Variants in ATL1 observed in about 807,000 individuals in gnomAD.
The protein encoded by ATL1 is atlastin-1.
A neutral mutation model predicts 75.5 loss-of-function variants in ATL1; 31 were observed. The ratio of observed to expected loss-of-function variants is 0.41; its 90% CI spans 0.31 to 0.55. ATL1 has a LOEUF of 0.55. ATL1 is among the 20% of genes least tolerant of loss of function. The pLI, the probability that ATL1 is intolerant of heterozygous loss-of-function variation, is 0.27. For missense variants in ATL1, 405 were observed against 662.6 expected (o/e 0.61, Z 4.27); for synonymous variants, 226 against 233.3 (o/e 0.97, Z 0.28).
intron 7 of ATL1, among the ~76,000 whole-genome samples, chr14:50,614,022 A>G (rs973170709): frequency 6.6e-6 from 1 of 152,168 alleles, no homozygotes; most frequent in Non-Finnish European, 1.5e-5. Flanking sequence ...AAGTAGAAAT[A>G]TCCTACTTTC....
At chr14:50,612,069 G>A (rs1272617048) in intron 6 of ATL1, among the ~76,000 whole-genome samples, 1 of 152,130 alleles carries the variant, frequency 6.6e-6, no homozygotes, top group East Asian at 1.9e-4. Flanking sequence ...GCGCAGTAAT[G>A]ACTATGAATT....
At chr14:50,563,614 T>C (rs773422911) in intron 1 of ATL1, among the ~76,000 whole-genome samples, 5 of 152,190 alleles carry the variant, frequency 3.3e-5, no homozygotes, top group Non-Finnish European at 7.3e-5. Flanking sequence ...ATAAGGAATC[T>C]AAGGACCATA....
chr14:50,588,309 T>C (rs994146453), intron 2 of ATL1, among the ~76,000 whole-genome samples: 2 of 152,256 alleles, frequency 1.3e-5, no homozygotes, highest in Non-Finnish European at 2.9e-5. Flanking sequence ...ATATAACTTA[T>C]ATTTTTATTC....
intron 6 of ATL1, among the ~76,000 whole-genome samples, chr14:50,607,531 A>G (rs557670759): frequency 6.6e-5 from 10 of 152,156 alleles, no homozygotes; most frequent in South Asian, 6.2e-4. Flanking sequence ...TTTTAAAGCA[A>G]TGAGGCTCTC....
intron 6 of ATL1, among the ~76,000 whole-genome samples, chr14:50,612,776 T>C (rs2039377873): frequency 6.6e-6 from 1 of 152,128 alleles, no homozygotes; most frequent in African/African-American, 2.4e-5. Flanking sequence ...ATTTTTAAAT[T>C]TTCTCTCTGG....
chr14:50,560,424 C>G, intron 1 of ATL1, 125 bp downstream of exon 1: 3 of 1,267,618 alleles, frequency 2.4e-6, no homozygotes, highest in Non-Finnish European at 3.3e-6. Context: ...GGAGACGGGC[C>G]GTAGCCGAGC....
chr14:50,538,057 A>G (rs1202278129), intron 1 of ATL1, among the ~76,000 whole-genome samples: 1 of 152,166 alleles, frequency 6.6e-6, no homozygotes, highest in Non-Finnish European at 1.5e-5. Context: ...CTGTGTGCCC[A>G]CCCACATCTC....
chr14:50,601,126 C>T (rs2039268495), intron 6 of ATL1, among the ~76,000 whole-genome samples: 1 of 151,838 alleles, frequency 6.6e-6, no homozygotes. Flanking sequence ...AATAAATAGA[C>T]AAAATTAATT....
At chr14:50,601,619 A>G (rs764724821) in intron 6 of ATL1, among the ~76,000 whole-genome samples, 43 of 152,240 alleles carry the variant, frequency 2.8e-4, no homozygotes, top group Non-Finnish European at 4.7e-4. Flanking sequence ...TAAACTATGT[A>G]GCACGCCCAG....
intron 1 of ATL1, among the ~76,000 whole-genome samples, chr14:50,581,953 GTA>G (rs2039059473): frequency 6.6e-6 from 1 of 152,072 alleles, no homozygotes; most frequent in Non-Finnish European, 1.5e-5. Context: ...AGCTTTATTG[GTA>G]CTAATATCAC....
intron 2 of ATL1, among the ~76,000 whole-genome samples, chr14:50,589,282 C>T (rs975405425): frequency 6.6e-6 from 1 of 151,702 alleles, no homozygotes; most frequent in Admixed American, 6.6e-5. Flanking sequence ...CCTCAGCCTC[C>T]CAAGTAGCTG....
chr14:50,561,842 C>T (rs1323096165), intron 1 of ATL1, among the ~76,000 whole-genome samples: 1 of 152,070 alleles, frequency 6.6e-6, no homozygotes, highest in Non-Finnish European at 1.5e-5. Context: ...ATCCCCTTTC[C>T]ACCCGTTCTC....
intron 12 of ATL1, among the ~76,000 whole-genome samples, chr14:50,629,747 AG>A (rs2039560977): frequency 6.6e-6 from 1 of 152,194 alleles, no homozygotes; most frequent in Non-Finnish European, 1.5e-5. Context: ...CAACCACAAA[AG>A]ATTTAAGAGG....
intron 1 of ATL1, among the ~76,000 whole-genome samples, chr14:50,580,249 G>A (rs956515961): frequency 6.6e-6 from 1 of 152,136 alleles, no homozygotes; most frequent in African/African-American, 2.4e-5. Context: ...AAACATATTT[G>A]TGCAGGTTTG....
intron 8 of ATL1, among the ~76,000 whole-genome samples, chr14:50,617,418 A>T (rs935662982): frequency 6.6e-6 from 1 of 152,130 alleles, no homozygotes; most frequent in Admixed American, 6.6e-5. Flanking sequence ...CCATATGTAG[A>T]ATGAGCAGGT....
chr14:50,625,809 C>G (rs1386497740), intron 11 of ATL1, among the ~76,000 whole-genome samples: 1 of 151,186 alleles, frequency 6.6e-6, no homozygotes, highest in Non-Finnish European at 1.5e-5. Flanking sequence ...ACTCAGGAGG[C>G]TGAGGCAGGA....
At chr14:50,616,454 G>A (rs1456664227) in intron 8 of ATL1, among the ~76,000 whole-genome samples, 1 of 139,952 alleles carries the variant, frequency 7.1e-6, no homozygotes, top group African/African-American at 2.6e-5. Context: ...CACCATGCCC[G>A]GTTATTTATT....
In ATL1 at chr14:50,568,151, T is replaced by G. The variant is rs1196881815; in HGVS notation, c.34+7852T>G. Among the ~76,000 whole-genome samples the G allele has an allele frequency of 2.0e-5, 3 of 152,354 alleles. No homozygotes were observed. The South Asian group carries it at 6.2e-4, about 32-fold the overall frequency. On this transcript the variant is annotated intron_variant, in intron 1 of 13. Coordinates refer to ENST00000358385, the MANE Select transcript of ATL1 (RefSeq NM_015915.5). ...TTCTTTCAATTCTGTCAACTTTTGCTTCATATATTTTGATACAGTGTTCCT... is the reference window on the plus strand; with the variant it reads ...TTCTTTCAATTCTGTCAACTTTTGCGTCATATATTTTGATACAGTGTTCCT...
chr14:50,620,498 C>A, intron 8 of ATL1, 101 bp from the exon 9 acceptor site: 13 of 1,232,000 alleles, frequency 1.1e-5, no homozygotes, highest in Admixed American at 3.8e-5. Flanking sequence ...ATGGCATTAT[C>A]ACTGGGGAGG....
Sources: allele counts gnomAD v4.1 joint callset (sites outside exome capture counted in the v4.1 genomes callset), GRCh38; gene constraint gnomAD v4.1.1; transcripts MANE v1.5; gene names NCBI Gene and HGNC (gene_info 2026-07-23, HGNC 2026-07-21).